Variants in STPG2 observed in about 807,000 individuals in gnomAD.
STPG2 encodes sperm tail PG-rich repeat containing 2, also known as sperm-tail PG-rich repeat-containing protein 2.
STPG2 carries 56 observed loss-of-function variants against 54.2 expected under a neutral mutation model. That is an observed-to-expected ratio of 1.03 (90% CI 0.83 to 1.29). The LOEUF is 1.29. Among genes scored for constraint, STPG2 ranks in the 50% most tolerant of loss-of-function variants. The pLI, the probability that STPG2 is intolerant of heterozygous loss-of-function variation, is 0.00. For missense variants in STPG2, 596 were observed against 544.9 expected (o/e 1.09, Z -0.93); for synonymous variants, 200 against 181.8 (o/e 1.10, Z -0.81).
At chr4:98,127,198 AT>A (rs1215427631) in intron 3 of STPG2, among the ~76,000 whole-genome samples, 4 of 125,964 alleles carry the variant, frequency 3.2e-5, no homozygotes, top group Non-Finnish European at 7.1e-5. Context: ...GTAATAACAT[AT>A]TTTTTTAAAA....
chr4:97,951,492 T>G (rs1461713732), intron 7 of STPG2, among the ~76,000 whole-genome samples: 1 of 151,992 alleles, frequency 6.6e-6, no homozygotes, highest in Non-Finnish European at 1.5e-5. Context: ...TTGACTGTGT[T>G]TTTTTTTATT....
chr4:97,810,907 C>T (rs1165038681), intron 9 of STPG2, among the ~76,000 whole-genome samples: 1 of 152,114 alleles, frequency 6.6e-6, no homozygotes, highest in Non-Finnish European at 1.5e-5. Context: ...ATTTTACAAA[C>T]ATTAGTAAAT....
intron 4 of STPG2, 77 bp from the exon 5 acceptor site, chr4:98,106,141 T>C (rs1373105481): frequency 3.9e-6 from 4 of 1,023,910 alleles, no homozygotes; most frequent in African/African-American, 1.7e-5. Flanking sequence ...AGAAATTCTT[T>C]CTACAGCAAC....
intron 8 of STPG2, among the ~76,000 whole-genome samples, chr4:97,932,150 C>G (rs1732572141): frequency 6.6e-6 from 1 of 152,072 alleles, no homozygotes; most frequent in Non-Finnish European, 1.5e-5. Flanking sequence ...ATAAGTCTAG[C>G]TAGTGGCCTA....
chr4:97,691,649 C>A (rs534785156), intron 10 of STPG2, among the ~76,000 whole-genome samples: 1 of 152,116 alleles, frequency 6.6e-6, no homozygotes, highest in Non-Finnish European at 1.5e-5. Context: ...GCCCTACCCA[C>A]CACCTAACCC....
intron 7 of STPG2, among the ~76,000 whole-genome samples, chr4:97,946,663 T>C (rs1482393185): frequency 6.6e-6 from 1 of 152,120 alleles, no homozygotes; most frequent in Non-Finnish European, 1.5e-5. Flanking sequence ...CATTCCCCAA[T>C]TTATGCTGTT....
intron 9 of STPG2, among the ~76,000 whole-genome samples, chr4:97,803,848 T>C (rs562304637): frequency 1.3e-5 from 2 of 152,266 alleles, no homozygotes; most frequent in South Asian, 4.1e-4. Context: ...GCCAGAACAC[T>C]GACTTCTTGG....
intron 8 of STPG2, among the ~76,000 whole-genome samples, chr4:97,880,051 G>A (rs1408639540): frequency 2.6e-5 from 4 of 152,176 alleles, no homozygotes; most frequent in East Asian, 1.9e-4. Flanking sequence ...CCCAACCTAC[G>A]TCTCCATCAG....
intron 9 of STPG2, among the ~76,000 whole-genome samples, chr4:97,810,781 A>C (rs1297088521): frequency 6.6e-6 from 1 of 152,222 alleles, no homozygotes. Context: ...ACATTTATAT[A>C]AAATGTTACA....
intron 8 of STPG2, among the ~76,000 whole-genome samples, chr4:97,903,369 T>C (rs542114135): frequency 2.4e-4 from 37 of 152,118 alleles, no homozygotes; most frequent in African/African-American, 8.9e-4. Flanking sequence ...ATTTGTCAAT[T>C]ACACTTCATT....
intron 7 of STPG2, among the ~76,000 whole-genome samples, chr4:97,966,080 C>T (rs764353085): frequency 2.0e-4 from 31 of 152,150 alleles, no homozygotes; most frequent in African/African-American, 4.1e-4. Context: ...TGAGCTTCTC[C>T]GAGCTAAAGG....
intron 10 of STPG2, among the ~76,000 whole-genome samples, chr4:97,658,413 C>A (rs928851672): frequency 1.3e-5 from 2 of 152,118 alleles, no homozygotes; most frequent in African/African-American, 2.4e-5. Flanking sequence ...GCAGAAAATA[C>A]GTCATACTTT....
intron 9 of STPG2, among the ~76,000 whole-genome samples, chr4:97,760,009 C>T (rs1725844187): frequency 6.6e-6 from 1 of 152,146 alleles, no homozygotes; most frequent in South Asian, 2.1e-4. Flanking sequence ...CAAGATCATT[C>T]ATAAGCCAAT....
chr4:97,840,423 G>A (rs1288398860), intron 9 of STPG2, among the ~76,000 whole-genome samples: 1 of 151,522 alleles, frequency 6.6e-6, no homozygotes, highest in Non-Finnish European at 1.5e-5. Context: ...AATAACTTAA[G>A]TCTTTTACTG....
At chr4:97,917,863 C>T (rs1381152676) in intron 8 of STPG2, among the ~76,000 whole-genome samples, 1 of 152,006 alleles carries the variant, frequency 6.6e-6, no homozygotes, top group East Asian at 1.9e-4. Context: ...TTAAATATTT[C>T]ATAACTATAT....
rs373559443 is a variant in STPG2, at chr4:97,679,173, T to C, written c.1320+33526A>G. Among the ~76,000 whole-genome samples the C allele has an allele frequency of 2.1e-4, 32 of 152,344 alleles. No individual in the cohort carries two copies. The East Asian group carries it at 5.6e-3, about 27-fold the overall frequency. On this transcript the variant is annotated intron_variant, in intron 10 of 10. Coordinates refer to ENST00000295268, the MANE Select transcript of STPG2 (RefSeq NM_174952.3). The stretch of plus-strand genomic sequence containing the variant: ...GGATGTCCGGGTCAAATGGTATTTC[T>C]AGTTCTAGATCCCTGAGGAATCGCC...
chr4:97,708,614 G>A (rs1369935811), intron 10 of STPG2, among the ~76,000 whole-genome samples: 1 of 151,722 alleles, frequency 6.6e-6, no homozygotes, highest in Non-Finnish European at 1.5e-5. Context: ...TAGAAAAATT[G>A]AAAACTTTTT....
intron 9 of STPG2, among the ~76,000 whole-genome samples, chr4:97,827,328 C>T (rs1323851517): frequency 2.6e-5 from 4 of 151,534 alleles, no homozygotes; most frequent in Non-Finnish European, 5.9e-5. Flanking sequence ...CTCCTCATCC[C>T]GGGTTCACGC....
intron 8 of STPG2, among the ~76,000 whole-genome samples, chr4:97,853,450 A>T (rs114511744): frequency 0.017 from 2,586 of 152,284 alleles, 74 homozygotes; most frequent in African/African-American, 0.059. Context: ...AAGAATATTG[A>T]AAAAACAGAA....
Sources: allele counts gnomAD v4.1 joint callset (sites outside exome capture counted in the v4.1 genomes callset), GRCh38; gene constraint gnomAD v4.1.1; transcripts MANE v1.5; gene names NCBI Gene and HGNC (gene_info 2026-07-23, HGNC 2026-07-21).